The following COL12A1 variants were observed in gnomAD, a reference collection of about 807,000 sequenced individuals.
The protein encoded by COL12A1 is collagen type XII alpha 1 chain.
In COL12A1, 114 loss-of-function variants were observed where a neutral mutation model predicts 349.7. The observed-to-expected ratio is 0.33, with a 90% confidence interval of 0.28 to 0.38. The LOEUF is 0.38. Among genes scored for constraint, COL12A1 ranks in the 10% least tolerant of loss-of-function variants. COL12A1 has a pLI of 1.00. For synonymous variants in COL12A1, 1,369 were observed against 1,329.0 expected, an observed-to-expected ratio of 1.03 and a Z score of -0.66; for missense variants, 3,284 against 3,756.9, an observed-to-expected ratio of 0.87 and a Z score of 3.29.
rs1768254613 is a variant in COL12A1 at position 75,165,619 on chromosome 6, T to G, written c.2871A>C (p.Ala957=). ...GCAGATTTTCTATCATCGTATGAATTGCATCTTCAGGCAGATTTTTCTCTC... is the reference window on the plus strand; with the variant it reads ...GCAGATTTTCTATCATCGTATGAATGGCATCTTCAGGCAGATTTTTCTCTC... ...DTGEKNLPED[A]IHTMIENLQP... Residue 957 remains alanine (A), a synonymous_variant, in exon 14 of 66, where the codon GCA becomes GCC. Coordinates refer to ENST00000322507, the MANE Select transcript of COL12A1 (RefSeq NM_004370.6). 1.2e-6 allele frequency: 2 copies of G among 1,614,034 alleles called. No homozygotes were observed. Among genetic ancestry groups the G allele is most frequent in the Non-Finnish European group, 1.7e-6 (2 of 1,179,936 alleles).
At chr6:75,116,904 C>T (rs1384832851) in intron 47 of COL12A1, among the ~76,000 whole-genome samples, 1 of 152,102 alleles carries the variant, frequency 6.6e-6, no homozygotes, top group Non-Finnish European at 1.5e-5. Flanking sequence ...TTTGGTTCTT[C>T]ACTGTAGTTA....
intron 2 of COL12A1, among the ~76,000 whole-genome samples, chr6:75,199,534 C>T (rs986557716): frequency 1.3e-5 from 2 of 152,126 alleles, no homozygotes; most frequent in Admixed American, 1.3e-4. Context: ...AACTTGTATT[C>T]ATCTCTAATC....
In COL12A1 at chr6:75,183,641, C is replaced by T. The variant is rs771816024; in HGVS notation, c.1300G>A (p.Gly434Ser). ...ACAATATCGGCTTTTATATCCACACCACGTGAGCATTCTGTAAAGAGAAAA... is the reference window on the plus strand; with the variant it reads ...ACAATATCGGCTTTTATATCCACACTACGTGAGCATTCTGTAAAGAGAAAA... ...PMKVQVECSR[G>S]VDIKADIVFL... is the part of the protein sequence containing the mutation. The change falls in exon 10 of 66, where the codon GGT (glycine) becomes AGT (serine). Residue 434 changes from glycine (G) to serine (S), a missense_variant. Physicochemically the swap from Gly to Ser is moderately conservative, Grantham distance 56 (BLOSUM62 0). Transcript: ENST00000322507. 3 of 1,604,258 alleles carry T rather than the reference C, an allele frequency of 1.9e-6. No homozygotes were observed. Among genetic ancestry groups the T allele is most frequent in the Non-Finnish European group, 2.5e-6 (3 of 1,177,328 alleles).
Position 75,101,589 on chromosome 6 carries a change from A to C in COL12A1, c.8523+11T>G. On this transcript the variant is annotated intron_variant, in intron 58 of 65. Coordinates refer to ENST00000322507, the MANE Select transcript of COL12A1 (RefSeq NM_004370.6). ...TTCCAACATCATTGTAGCCTGCTCA[A>C]GAAAACTTACTCTGTCTCCTGGAGG... 1 of 1,612,696 alleles carries C rather than the reference A, an allele frequency of 6.2e-7. No homozygotes were observed.
intron 17 of COL12A1, among the ~76,000 whole-genome samples, chr6:75,154,157 A>G (rs1305994124): frequency 2.0e-5 from 3 of 151,712 alleles, no homozygotes; most frequent in African/African-American, 7.3e-5. Context: ...ATAATTATAT[A>G]TTACTCTTAA....
chr6:75,179,933 A>C (rs1769175646), intron 11 of COL12A1, among the ~76,000 whole-genome samples: 1 of 152,206 alleles, frequency 6.6e-6, no homozygotes, highest in African/African-American at 2.4e-5. Context: ...AAATGTGCAC[A>C]CCATGTTCAT....
At position 75,156,528 on chromosome 6, in the gene COL12A1, G is replaced by T. The variant is rs763795239; in HGVS notation, c.2984-5C>A. 1.2e-6 allele frequency: 2 copies of T among 1,612,624 alleles called. No homozygotes were observed. The highest frequency in any genetic ancestry group is 1.7e-5 in the Admixed American group (1 of 59,796). On this transcript the variant is annotated splice_region_variant and splice_polypyrimidine_tract_variant and intron_variant, in intron 14 of 65. Transcript: ENST00000322507. ...GGGTTTTGGAATCTTGAGATACTGG[G>T]AGATAAAAGGAAGATTAAACTGTAT... is the stretch of plus-strand genomic sequence containing the variant.
At chr6:75,188,258 A>G in intron 8 of COL12A1, 104 bp downstream of exon 8, 1 of 1,227,064 alleles carries the variant, frequency 8.1e-7, no homozygotes, top group Non-Finnish European at 1.1e-6. Context: ...TTGTAGAATC[A>G]CTGGAAGAAA....
At chr6:75,140,396 C>CCA (rs1381555232) in intron 27 of COL12A1, among the ~76,000 whole-genome samples, 1 of 152,128 alleles carries the variant, frequency 6.6e-6, no homozygotes, top group African/African-American at 2.4e-5. Context: ...GTGGCTCACG[C>CCA]CTGTAATCCC....
intron 15 of COL12A1, 26 bp downstream of exon 15, chr6:75,156,231 C>T: frequency 6.2e-7 from 1 of 1,610,464 alleles, no homozygotes; most frequent in South Asian, 1.1e-5. Context: ...TTCTCTCCCC[C>T]TCAAAATATA....
At position 75,103,758 on chromosome 6, in the gene COL12A1, A is replaced by G. The variant is rs1165827814; in HGVS notation, c.8318T>C (p.Ile2773Thr). The G allele has an allele frequency of 3.1e-6, 5 of 1,612,810 alleles. No individual in the cohort carries two copies. Among genetic ancestry groups the G allele is most frequent in the East Asian group, 2.2e-5 (1 of 44,866 alleles). The change falls in exon 55 of 66, where the codon ATT (isoleucine) becomes ACT (threonine). Residue 2773 changes from isoleucine to threonine, a missense_variant and splice_region_variant. This residue lies in a region of COL12A1 where 683 missense variants were observed against 932.1 expected (regional missense o/e 0.73). Coordinates refer to ENST00000322507, the MANE Select transcript of COL12A1 (RefSeq NM_004370.6). The stretch of plus-strand genomic sequence containing the variant: ...AAATGCACTCTAAAATATACTTACA[A>G]TTGCCCCACTGATACCTCTTTCACC... ...PRGERGISGA[I>T]GPPGPRGDIG...
intron 27 of COL12A1, among the ~76,000 whole-genome samples, chr6:75,139,572 A>G (rs1170464976): frequency 2.6e-5 from 4 of 152,244 alleles, no homozygotes; most frequent in Non-Finnish European, 5.9e-5. Flanking sequence ...CACTAAAAGT[A>G]TTGCACTCTG....
intron 60 of COL12A1, among the ~76,000 whole-genome samples, chr6:75,092,081 C>T (rs1367750561): frequency 1.3e-5 from 2 of 152,040 alleles, no homozygotes. Context: ...CCATCATTCT[C>T]GGCAAACTAT....
At position 75,151,097 on chromosome 6, in the gene COL12A1, A is replaced by T. The variant is rs532598966; in HGVS notation, c.4147+44T>A. ...CCAAAAGAATAATTATTTGGCCCAA[A>T]ATACCAGCAGTGCTGAGGGAGAGAA... On this transcript the variant is annotated intron_variant, in intron 21 of 65. Transcript: ENST00000322507. The T allele has an allele frequency of 5.5e-5, 69 of 1,247,058 alleles. No individual in the cohort carries two copies. The East Asian group carries it at 2.0e-3, about 37-fold the overall frequency. 77.2% of individuals were successfully genotyped at this position (1,247,058 alleles called of 1,614,324 possible).
chr6:75,140,427 C>T (rs1260001450), intron 27 of COL12A1, among the ~76,000 whole-genome samples: 1 of 152,112 alleles, frequency 6.6e-6, no homozygotes, highest in Non-Finnish European at 1.5e-5. Flanking sequence ...GAGACCGAGG[C>T]GGGCGGATCA....
Position 75,189,248 on chromosome 6 carries a change from A to C in COL12A1, c.792T>G (p.Leu264=). 6.2e-7 allele frequency: 1 copy of C among 1,613,014 alleles called. No individual in the cohort carries two copies. The highest frequency in any genetic ancestry group is 8.5e-7 in the Non-Finnish European group (1 of 1,179,386). The change falls in exon 7 of 66, where the codon CTT becomes CTG. Residue 264 remains leucine, a synonymous_variant. Transcript: ENST00000322507. ...AGAAAACTTCAACTCCAACATTACG[A>C]AGCTCTCTTGCTGGAATTTCCACTT... ...QDEVEIPARE[L]RNVGVEVFSL...
Position 75,096,618 on chromosome 6 carries a change from C to T in COL12A1, c.8577+635G>A, listed in dbSNP as rs1019980369. Among the ~76,000 whole-genome samples, 9 of 152,100 alleles carry T rather than the reference C, an allele frequency of 5.9e-5. No individual in the cohort carries two copies. In the South Asian group the frequency reaches 8.3e-4, roughly 14 times the overall value. On this transcript the variant is annotated intron_variant, in intron 59 of 65. Coordinates refer to ENST00000322507, the MANE Select transcript of COL12A1 (RefSeq NM_004370.6). ...ATTCTTAAAATTCTGTAACAGGGGC[C>T]GGGCGCGGTGGCTCACGCCTGTAAT...
intron 58 of COL12A1, among the ~76,000 whole-genome samples, chr6:75,099,935 T>C (rs1385539454): frequency 6.6e-6 from 1 of 152,116 alleles, no homozygotes. Context: ...TGAGTTCACG[T>C]TTTGTTTTGT....
rs1180620450 is a variant in COL12A1 at position 75,101,588 on chromosome 6, A to G, written c.8523+12T>C. 1 of 1,612,192 alleles carries G rather than the reference A, an allele frequency of 6.2e-7. No homozygotes were observed. The highest frequency in any genetic ancestry group is 1.1e-5 in the South Asian group (1 of 90,716). On this transcript the variant is annotated intron_variant, in intron 58 of 65. Coordinates refer to ENST00000322507, the MANE Select transcript of COL12A1 (RefSeq NM_004370.6). Reference sequence around the variant, plus strand: ...TTTCCAACATCATTGTAGCCTGCTCAAGAAAACTTACTCTGTCTCCTGGAG... The same window carrying G: ...TTTCCAACATCATTGTAGCCTGCTCGAGAAAACTTACTCTGTCTCCTGGAG...
Sources: gnomAD v4.1 joint callset for allele counts (sites outside exome capture counted in the v4.1 genomes callset) on GRCh38, gnomAD v4.1.1 for gene constraint, gnomAD v4.1.1 regional missense constraint, MANE v1.5 for transcripts, NCBI Gene and HGNC (gene_info 2026-07-23, HGNC 2026-07-21) for gene names.